CHCHD3: variants seen among roughly 807,000 people sequenced by gnomAD.
The protein encoded by CHCHD3 is coiled-coil-helix-coiled-coil-helix domain containing 3, also known as MICOS complex subunit MIC19.
Under a neutral mutation model 38.2 loss-of-function variants are expected in CHCHD3, and 20 were observed. The observed-to-expected ratio is 0.52, with a 90% CI of 0.37 to 0.76. The LOEUF (loss-of-function observed/expected upper bound fraction) is 0.76, where lower values mean the gene tolerates loss of function less well. Among genes scored for constraint, CHCHD3 ranks in the 30% least tolerant of loss-of-function variants. The pLI is 0.00. For synonymous variants in CHCHD3, 82 were observed against 100.0 expected, an observed-to-expected ratio of 0.82 and a Z score of 1.07; for missense variants, 245 against 279.2, an observed-to-expected ratio of 0.88 and a Z score of 0.87.
At chr7:133,081,278 GAT>G (rs1310462145) in intron 1 of CHCHD3, among the ~76,000 whole-genome samples, 8 of 151,254 alleles carry the variant, frequency 5.3e-5, no homozygotes, top group Non-Finnish European at 1.2e-4. Context: ...GGAAAGAGGA[GAT>G]ATCAAGTGAA....
intron 2 of CHCHD3, among the ~76,000 whole-genome samples, chr7:133,069,643 G>A (rs924181352): frequency 3.9e-5 from 6 of 152,016 alleles, no homozygotes; most frequent in Non-Finnish European, 1.5e-5. Flanking sequence ...GATAAAATTA[G>A]GCTTAATAAT....
intron 2 of CHCHD3, among the ~76,000 whole-genome samples, chr7:133,037,488 G>GA (rs1813711927): frequency 6.6e-6 from 1 of 152,130 alleles, no homozygotes; most frequent in Admixed American, 6.5e-5. Flanking sequence ...GTACAGTACT[G>GA]AAAAAAGCCT....
chr7:133,048,191 C>T (rs1032019409), intron 2 of CHCHD3, among the ~76,000 whole-genome samples: 1 of 151,714 alleles, frequency 6.6e-6, no homozygotes, highest in Admixed American at 6.6e-5. Flanking sequence ...TTCGTGGAGA[C>T]AGCCATGAGC....
intron 3 of CHCHD3, among the ~76,000 whole-genome samples, chr7:132,985,283 G>A (rs1183913773): frequency 1.6e-3 from 76 of 46,840 alleles, no homozygotes; most frequent in South Asian, 3.9e-3. Flanking sequence ...CAGCCGCCCC[G>A]TCCGGGAGGT....
intron 4 of CHCHD3, among the ~76,000 whole-genome samples, chr7:132,895,158 G>GC (rs1809462027): frequency 6.6e-6 from 1 of 152,220 alleles, no homozygotes; most frequent in Non-Finnish European, 1.5e-5. Flanking sequence ...TACATATGCT[G>GC]CATGAACAGG....
intron 5 of CHCHD3, 99 bp from the exon 6 acceptor site, chr7:132,838,568 C>A: frequency 1.2e-6 from 1 of 847,370 alleles, no homozygotes. Flanking sequence ...TTGTTTCAGC[C>A]ACTCAAGCAG....
chr7:133,076,936 T>G (rs932514039), intron 1 of CHCHD3, among the ~76,000 whole-genome samples: 4 of 152,300 alleles, frequency 2.6e-5, no homozygotes, highest in Middle Eastern at 3.4e-3. Flanking sequence ...TCTCTCTTGA[T>G]CCTCCTTCCA....
At chr7:133,055,521 T>C (rs1172972626) in intron 2 of CHCHD3, among the ~76,000 whole-genome samples, 3 of 126,436 alleles carry the variant, frequency 2.4e-5, no homozygotes, top group Admixed American at 2.2e-4. Context: ...ATAATATAAT[T>C]GTTACATATT....
chr7:132,868,799 T>C lies in CHCHD3; in HGVS notation c.453+16863A>G, dbSNP rs183556875. On this transcript the variant is annotated intron_variant, in intron 5 of 7. Coordinates refer to ENST00000262570, the MANE Select transcript of CHCHD3 (RefSeq NM_017812.4). The stretch of plus-strand genomic sequence containing the variant: ...ACCTTTTAACCAGGACTATTCACAA[T>C]TGTGAACACTGTCCCACAAAGCTCA... Among the ~76,000 whole-genome samples the C allele has an allele frequency of 2.6e-3, 394 of 152,250 alleles. 3 individuals are homozygous for C. The highest frequency in any genetic ancestry group is 9.0e-3 in the African/African-American group (375 of 41,554).
At chr7:132,820,684 G>A (rs1013846884) in intron 6 of CHCHD3, among the ~76,000 whole-genome samples, 1 of 145,228 alleles carries the variant, frequency 6.9e-6, no homozygotes, top group Non-Finnish European at 1.5e-5. Flanking sequence ...GGGGTTAAAC[G>A]GGCTTTTGGG....
chr7:132,903,745 CT>C (rs1809727548), intron 4 of CHCHD3, among the ~76,000 whole-genome samples: 1 of 152,200 alleles, frequency 6.6e-6, no homozygotes, highest in African/African-American at 2.4e-5. Context: ...TAAAACTCAT[CT>C]TACTGTGGGT....
chr7:132,802,263 G>T (rs1434727625), intron 6 of CHCHD3, among the ~76,000 whole-genome samples: 1 of 152,248 alleles, frequency 6.6e-6, no homozygotes, highest in Admixed American at 6.5e-5. Context: ...CAGCTGGTAG[G>T]GGTTGGTGTC....
At chr7:132,874,325 A>T (rs1808842741) in intron 5 of CHCHD3, among the ~76,000 whole-genome samples, 1 of 152,220 alleles carries the variant, frequency 6.6e-6, no homozygotes, top group Non-Finnish European at 1.5e-5. Context: ...TTCTCCAGAT[A>T]CAAAGGCGCA....
At chr7:132,824,649 C>T (rs1807464747) in intron 6 of CHCHD3, among the ~76,000 whole-genome samples, 1 of 152,112 alleles carries the variant, frequency 6.6e-6, no homozygotes, top group Non-Finnish European at 1.5e-5. Context: ...AATCTTTATG[C>T]CCTATTAACT....
intron 6 of CHCHD3, 81 bp from the exon 7 acceptor site, chr7:132,796,658 AC>A: frequency 8.4e-7 from 1 of 1,184,880 alleles, no homozygotes; most frequent in Non-Finnish European, 1.2e-6. Flanking sequence ...CATAAAACGC[AC>A]AGTAAGACAC....
chr7:132,861,311 T>G (rs1808485467), intron 5 of CHCHD3, among the ~76,000 whole-genome samples: 1 of 152,220 alleles, frequency 6.6e-6, no homozygotes, highest in African/African-American at 2.4e-5. Flanking sequence ...GTGTGCTTCC[T>G]AAGTGTTTCG....
At chr7:133,031,436 G>A (rs898980693) in intron 2 of CHCHD3, among the ~76,000 whole-genome samples, 1 of 151,936 alleles carries the variant, frequency 6.6e-6, no homozygotes, top group African/African-American at 2.4e-5. Context: ...TAGATTCCCT[G>A]AACCTCAAGG....
intron 4 of CHCHD3, among the ~76,000 whole-genome samples, chr7:132,909,390 C>G (rs1359267290): frequency 2.6e-5 from 4 of 152,128 alleles, no homozygotes; most frequent in African/African-American, 9.7e-5. Flanking sequence ...ACTTGGGAGG[C>G]TGAGGCAGGA....
At chr7:132,879,834 A>G (rs1336656767) in intron 5 of CHCHD3, among the ~76,000 whole-genome samples, 2 of 151,972 alleles carry the variant, frequency 1.3e-5, no homozygotes, top group South Asian at 2.1e-4. Flanking sequence ...GAAGACCTCA[A>G]GAAGAAATTT....
Sources: gnomAD v4.1 joint callset for allele counts (sites outside exome capture counted in the v4.1 genomes callset) on GRCh38, gnomAD v4.1.1 for gene constraint, MANE v1.5 for transcripts, NCBI Gene and HGNC (gene_info 2026-07-23, HGNC 2026-07-21) for gene names.